Variants in PCDHGB7 observed in about 807,000 individuals in gnomAD.
The protein encoded by PCDHGB7 is protocadherin gamma subfamily B, 7.
PCDHGB7 carries 37 observed loss-of-function variants against 61.4 expected under a neutral mutation model. That is an observed-to-expected ratio of 0.60 (90% CI 0.46 to 0.79). The LOEUF is 0.79. Ranked by LOEUF, PCDHGB7 falls within the 30% of genes least tolerant of loss-of-function variation. PCDHGB7 has a pLI of 0.00. For missense variants in PCDHGB7, 1,166 were observed against 1,202.5 expected (o/e 0.97, Z 0.45); for synonymous variants, 464 against 503.5 (o/e 0.92, Z 1.05).
chr5:141,456,973 A>G (rs1276476368), intron 1 of PCDHGB7, among the ~76,000 whole-genome samples: 2 of 147,412 alleles, frequency 1.4e-5, no homozygotes, highest in Admixed American at 6.7e-5. Flanking sequence ...AAAACAAAAC[A>G]AACAAACAAA....
chr5:141,478,315 A>G, intron 1 of PCDHGB7: 1 of 1,613,998 alleles, frequency 6.2e-7, no homozygotes, highest in Non-Finnish European at 8.5e-7. Flanking sequence ...CGGTGAGCTC[A>G]CTGTACCGAA....
intron 1 of PCDHGB7, among the ~76,000 whole-genome samples, chr5:141,455,519 G>T (rs1439363688): frequency 1.3e-5 from 2 of 152,158 alleles, no homozygotes; most frequent in East Asian, 3.9e-4. Flanking sequence ...TCAGGGGATT[G>T]GTTTGACCAG....
chr5:141,427,766 G>A lies in PCDHGB7; in HGVS notation c.2415+7492G>A, dbSNP rs549550151. The A allele has an allele frequency of 1.1e-4, 152 of 1,386,456 alleles. No homozygotes were observed. In the African/African-American group the frequency reaches 1.8e-3, roughly 17 times the overall value. The allele number at this position is 1,386,456 out of a possible 1,614,324, so 85.9% of individuals were successfully genotyped here. ...CCTACTCCATCGTTACCACTGACTT[G>A]GAGCTGCGGGCACTGTCGTCCTACG... On this transcript the variant is annotated intron_variant, in intron 1 of 3. Transcript: ENST00000398594.
At chr5:141,474,847 GC>G (rs1357496937) in intron 1 of PCDHGB7, among the ~76,000 whole-genome samples, 1 of 152,198 alleles carries the variant, frequency 6.6e-6, no homozygotes, top group East Asian at 1.9e-4. Context: ...CACTTTACCT[GC>G]CTTCTTCATT....
chr5:141,420,438 GC>G, intron 1 of PCDHGB7, 164 bp downstream of exon 1: 1 of 1,107,996 alleles, frequency 9.0e-7, no homozygotes, highest in Non-Finnish European at 1.2e-6. Flanking sequence ...TAAATTAAAT[GC>G]CTCAGTCTTC....
At position 141,486,114 on chromosome 5, in the gene PCDHGB7, A is replaced by G; in HGVS notation, c.2416-8693A>G. On this transcript the variant is annotated intron_variant, in intron 1 of 3. Coordinates refer to ENST00000398594, the MANE Select transcript of PCDHGB7 (RefSeq NM_018927.4). This position sits in a 1 kb window ranked among gnomAD's most constrained non-coding sequence, Gnocchi z 5.0. ...GGGCCCCTAGACTTTGAGAGTGAGAATTACTATGAATTTGATGTGCGGGCT... is the reference window on the plus strand; with the variant it reads ...GGGCCCCTAGACTTTGAGAGTGAGAGTTACTATGAATTTGATGTGCGGGCT... 3 of 1,614,082 alleles carry G rather than the reference A, an allele frequency of 1.9e-6. No individual in the cohort carries two copies. Among genetic ancestry groups the G allele is most frequent in the South Asian group, 2.2e-5 (2 of 91,072 alleles).
chr5:141,439,904 C>T (rs1175032042), intron 1 of PCDHGB7: 2 of 152,364 alleles, frequency 1.3e-5, no homozygotes, highest in East Asian at 1.9e-4. Context: ...GCGACTACTG[C>T]CTCCTTTCCT....
At chr5:141,492,487 C>G (rs1031047955) in intron 1 of PCDHGB7, among the ~76,000 whole-genome samples, 1 of 152,222 alleles carries the variant, frequency 6.6e-6, no homozygotes, top group Non-Finnish European at 1.5e-5. Flanking sequence ...CGCCCAGGAC[C>G]AGGCGAGGAC....
At chr5:141,472,022 T>C (rs949257396) in intron 1 of PCDHGB7, among the ~76,000 whole-genome samples, 1 of 152,176 alleles carries the variant, frequency 6.6e-6, no homozygotes, top group Non-Finnish European at 1.5e-5. Flanking sequence ...CTATATTGTA[T>C]GTAGAAAGCT....
In PCDHGB7 at chr5:141,485,313, A is replaced by G. The variant is rs758628263; in HGVS notation, c.2416-9494A>G. On this transcript the variant is annotated intron_variant, in intron 1 of 3. Transcript: ENST00000398594. The surrounding 1 kb of genome is among the most constrained non-coding windows in gnomAD (Gnocchi z 5.7). Reference sequence around the variant, plus strand: ...TCACAGGAAGGGACTTTTGTAGGGAATGTCGCTCAAGATTTCCTGCTGGAT... The same window carrying G: ...TCACAGGAAGGGACTTTTGTAGGGAGTGTCGCTCAAGATTTCCTGCTGGAT... 1.2e-6 allele frequency: 2 copies of G among 1,614,186 alleles called. No individual in the cohort carries two copies. Among genetic ancestry groups the G allele is most frequent in the African/African-American group, 1.3e-5 (1 of 75,054 alleles).
At chr5:141,444,152 A>ATTTTT (rs747671382) in intron 1 of PCDHGB7, among the ~76,000 whole-genome samples, 10 of 33,898 alleles carry the variant, frequency 3.0e-4, no homozygotes, top group Middle Eastern at 0.019. Context: ...TGTGTACTGG[A>ATTTTT]TTTTTTTTTT....
chr5:141,432,126 C>T lies in PCDHGB7; in HGVS notation c.2415+11852C>T. ...AACCCGCCGGTCTTCCCTCAGGCCTCCTATTCCGCTTATATCCCAGAGAAC... is the reference window on the plus strand; with the variant it reads ...AACCCGCCGGTCTTCCCTCAGGCCTTCTATTCCGCTTATATCCCAGAGAAC... On this transcript the variant is annotated intron_variant, in intron 1 of 3. Coordinates refer to ENST00000398594, the MANE Select transcript of PCDHGB7 (RefSeq NM_018927.4). This position sits in a 1 kb window ranked among gnomAD's most constrained non-coding sequence, Gnocchi z 6.0. The T allele has an allele frequency of 1.2e-6, 2 of 1,614,144 alleles. No homozygotes were observed. Among genetic ancestry groups the T allele is most frequent in the Non-Finnish European group, 1.7e-6 (2 of 1,180,028 alleles).
chr5:141,433,047 C>T (rs1561867159), intron 1 of PCDHGB7: 1 of 1,614,046 alleles, frequency 6.2e-7, no homozygotes, highest in African/African-American at 1.3e-5. Flanking sequence ...ACCACGGACT[C>T]GCGGAAGAGT....
chr5:141,422,314 C>G (rs1207977453), intron 1 of PCDHGB7: 2 of 1,547,838 alleles, frequency 1.3e-6, no homozygotes, highest in Non-Finnish European at 1.7e-6. Context: ...AAACTCTCCT[C>G]CAGGTACAGT....
chr5:141,465,171 G>T (rs969390966), intron 1 of PCDHGB7, among the ~76,000 whole-genome samples: 1 of 151,728 alleles, frequency 6.6e-6, no homozygotes, highest in Non-Finnish European at 1.5e-5. Flanking sequence ...TGTTTATGAA[G>T]AAATTTAATT....
At chr5:141,494,445 A>G (rs1424475551) in intron 1 of PCDHGB7, among the ~76,000 whole-genome samples, 1 of 152,158 alleles carries the variant, frequency 6.6e-6, no homozygotes, top group East Asian at 1.9e-4. Flanking sequence ...TTGCCACTTT[A>G]GGGGGCTTTG....
At position 141,432,908 on chromosome 5, in the gene PCDHGB7, C is replaced by A. The variant is rs757934634; in HGVS notation, c.2415+12634C>A. On this transcript the variant is annotated intron_variant, in intron 1 of 3. Coordinates refer to ENST00000398594, the MANE Select transcript of PCDHGB7 (RefSeq NM_018927.4). This position sits in a 1 kb window ranked among gnomAD's most constrained non-coding sequence, Gnocchi z 6.0. ...CATCTTGCTGCTGGCGCTCAGGCTGCGGCGCTGGCACAAGTCACGCCTGCT... is the reference window on the plus strand; with the variant it reads ...CATCTTGCTGCTGGCGCTCAGGCTGAGGCGCTGGCACAAGTCACGCCTGCT... The A allele has an allele frequency of 1.6e-5, 26 of 1,614,168 alleles. No individual in the cohort carries two copies. Among genetic ancestry groups the A allele is most frequent in the Middle Eastern group, 1.7e-4 (1 of 6,060 alleles).
chr5:141,439,588 T>C (rs2098121813), intron 1 of PCDHGB7, among the ~76,000 whole-genome samples: 2 of 152,200 alleles, frequency 1.3e-5, no homozygotes, highest in South Asian at 4.1e-4. Flanking sequence ...AGTGCCACTG[T>C]TGGCCAGTCT....
In PCDHGB7 at chr5:141,477,718, A is replaced by G; in HGVS notation, c.2416-17089A>G. 6.2e-7 allele frequency: 1 copy of G among 1,613,928 alleles called. No homozygotes were observed. The highest frequency in any genetic ancestry group is 8.5e-7 in the Non-Finnish European group (1 of 1,180,034). On this transcript the variant is annotated intron_variant, in intron 1 of 3. Coordinates refer to ENST00000398594, the MANE Select transcript of PCDHGB7 (RefSeq NM_018927.4). The surrounding 1 kb of genome is among the most constrained non-coding windows in gnomAD (Gnocchi z 4.9). ...ACTATGAGGATCGGCGGGAATTTGA[A>G]TTAACAGCTCATATCAGCGATGGGG...
Sources: allele counts gnomAD v4.1 joint callset (sites outside exome capture counted in the v4.1 genomes callset), GRCh38; gene constraint gnomAD v4.1.1; non-coding constraint Gnocchi (gnomAD v3.1); transcripts MANE v1.5; gene names NCBI Gene and HGNC (gene_info 2026-07-23, HGNC 2026-07-21).